The following SLC5A4 variants were observed in gnomAD, a reference collection of about 807,000 sequenced individuals.
SLC5A4 encodes the protein solute carrier family 5 member 4.
SLC5A4 carries 55 observed loss-of-function variants against 70.3 expected under a neutral mutation model. The observed-to-expected ratio is 0.78, with a 90% CI of 0.63 to 0.98. SLC5A4 has a LOEUF of 0.98. Among genes scored for constraint, SLC5A4 ranks in the 50% least tolerant of loss-of-function variants. The pLI is 0.00. For missense variants in SLC5A4, 735 were observed against 839.2 expected (o/e 0.88, Z 1.53); for synonymous variants, 268 against 305.7 (o/e 0.88, Z 1.29).
the SLC5A4 span, among the ~76,000 whole-genome samples, chr22:32,297,058 G>A: frequency 6.6e-6 from 1 of 150,958 alleles, no homozygotes; most frequent in African/African-American, 2.4e-5. Flanking sequence ...CGTTTTGCCA[G>A]TATTTTATCG....
the SLC5A4 span, among the ~76,000 whole-genome samples, chr22:32,321,886 G>T: frequency 6.6e-6 from 1 of 152,334 alleles, no homozygotes; most frequent in South Asian, 2.1e-4. Flanking sequence ...GAGCGCCTAT[G>T]GCAGAATGCA....
chr22:32,275,269 A>C, the SLC5A4 span, among the ~76,000 whole-genome samples: 1 of 152,210 alleles, frequency 6.6e-6, no homozygotes. Context: ...ACATGTGCAC[A>C]ACGTGCAGGT....
At chr22:32,306,930 G>T in the SLC5A4 span, among the ~76,000 whole-genome samples, 1 of 151,996 alleles carries the variant, frequency 6.6e-6, no homozygotes, top group Admixed American at 6.5e-5. Flanking sequence ...TGGGCCACCA[G>T]CTTGGTTCCA....
chr22:32,261,673 A>C, the SLC5A4 span, among the ~76,000 whole-genome samples: 1 of 152,244 alleles, frequency 6.6e-6, no homozygotes, highest in Non-Finnish European at 1.5e-5. Context: ...CCCCCAAAGC[A>C]GCAAAGCCAA....
At position 32,254,229 on chromosome 22, in the gene SLC5A4, G is replaced by A; in HGVS notation, c.136-16C>T. Reference sequence around the variant, plus strand: ...TCAGCATCGCCTGAGCAGAAGGGAAGACAGGTGAGGGTCAAGCCCCAGCAA... The same window carrying A: ...TCAGCATCGCCTGAGCAGAAGGGAAAACAGGTGAGGGTCAAGCCCCAGCAA... On this transcript the variant is annotated splice_polypyrimidine_tract_variant and intron_variant, in intron 1 of 14. Transcript: ENST00000266086. 1 of 1,606,428 alleles carries A rather than the reference G, an allele frequency of 6.2e-7. No homozygotes were observed. Among genetic ancestry groups the A allele is most frequent in the South Asian group, 1.1e-5 (1 of 90,950 alleles).
chr22:32,270,929 AC>A, the SLC5A4 span: 1 of 566,902 alleles, frequency 1.8e-6, no homozygotes, highest in Non-Finnish European at 3.3e-6. Context: ...TGGCATGTTC[AC>A]CACTGAGAGC....
At chr22:32,290,474 A>C in the SLC5A4 span, among the ~76,000 whole-genome samples, 1 of 151,904 alleles carries the variant, frequency 6.6e-6, no homozygotes, top group Admixed American at 6.6e-5. Context: ...GGACTCTTTA[A>C]ATTTCTATTT....
At chr22:32,224,078 A>G (rs570214637) in intron 13 of SLC5A4, among the ~76,000 whole-genome samples, 189 bp downstream of exon 13, 12 of 152,030 alleles carry the variant, frequency 7.9e-5, no homozygotes, top group South Asian at 2.1e-4. Flanking sequence ...CCACCACCAC[A>G]CCCAGCTAAT....
the SLC5A4 span, among the ~76,000 whole-genome samples, chr22:32,334,483 G>C: frequency 6.6e-6 from 1 of 152,170 alleles, no homozygotes; most frequent in East Asian, 1.9e-4. Context: ...ACTGCCTGGG[G>C]CACAGTGATG....
the SLC5A4 span, among the ~76,000 whole-genome samples, chr22:32,318,821 C>T: frequency 1.3e-5 from 2 of 152,222 alleles, no homozygotes; most frequent in Admixed American, 1.3e-4. Flanking sequence ...CATCACCTCC[C>T]TGTCCTATTC....
At chr22:32,350,075 G>A in the SLC5A4 span, among the ~76,000 whole-genome samples, 1 of 152,050 alleles carries the variant, frequency 6.6e-6, no homozygotes, top group East Asian at 1.9e-4. Flanking sequence ...CACTTCTTGG[G>A]GGTCCATGAG....
At chr22:32,234,184 G>A (rs1925926097) in intron 8 of SLC5A4, among the ~76,000 whole-genome samples, 1 of 152,204 alleles carries the variant, frequency 6.6e-6, no homozygotes, top group South Asian at 2.1e-4. Flanking sequence ...GTCTAGATAG[G>A]GTTATAGGGT....
At chr22:32,324,349 T>TAA in the SLC5A4 span, among the ~76,000 whole-genome samples, 6 of 151,462 alleles carry the variant, frequency 4.0e-5, no homozygotes, top group African/African-American at 1.5e-4. Flanking sequence ...AATGACTTTT[T>TAA]AAAAAAAACA....
the SLC5A4 span, among the ~76,000 whole-genome samples, chr22:32,292,919 A>G: frequency 6.6e-6 from 1 of 152,112 alleles, no homozygotes; most frequent in Non-Finnish European, 1.5e-5. Context: ...TTATAGTTCT[A>G]TCAGTTTTGC....
chr22:32,309,484 A>C, the SLC5A4 span, among the ~76,000 whole-genome samples: 51,095 of 151,762 alleles, frequency 0.34, 8,711 homozygotes, highest in Admixed American at 0.43. Context: ...CGGTAACTCT[A>C]GAAATCTATG....
At chr22:32,272,997 G>A in the SLC5A4 span, 96 of 541,042 alleles carry the variant, frequency 1.8e-4, no homozygotes, top group East Asian at 1.8e-3. Flanking sequence ...CTGCTCAACC[G>A]CTACCTGTAC....
the SLC5A4 span, among the ~76,000 whole-genome samples, chr22:32,306,748 GC>G: frequency 1.1e-4 from 17 of 152,186 alleles, no homozygotes; most frequent in African/African-American, 3.6e-4. Context: ...AGGTGACTGA[GC>G]CTCTCACCCT....
At chr22:32,317,351 AG>A in the SLC5A4 span, among the ~76,000 whole-genome samples, 1 of 152,244 alleles carries the variant, frequency 6.6e-6, no homozygotes, top group Non-Finnish European at 1.5e-5. Context: ...AAGAAAAGAA[AG>A]ACAAACCTAA....
rs1169115054 is a variant in SLC5A4, at chr22:32,251,149, C to CAAAAAAAAAAAAA, written c.312+608_312+620dup. Among the ~76,000 whole-genome samples the CAAAAAAAAAAAAA allele has an allele frequency of 2.2e-3, 49 of 22,766 alleles. 1 individual carries two copies. The highest frequency in any genetic ancestry group is 4.7e-3 in the East Asian group (2 of 426). The allele number at this position is 22,766 out of a possible 152,430, so 14.9% of individuals were successfully genotyped here. A position where few individuals can be genotyped will look rare whatever the true frequency, so the allele number is the denominator to read the frequency against. On this transcript the variant is annotated intron_variant, in intron 3 of 14. Transcript: ENST00000266086. ...AAGAAGACAACAACAAACAAATAAG[C>CAAAAAAAAAAAAA]AAAAAAAAAAAAAAAAAAAAAAAAA...
Sources: allele counts gnomAD v4.1 joint callset (sites outside exome capture counted in the v4.1 genomes callset), GRCh38; gene constraint gnomAD v4.1.1; transcripts MANE v1.5; gene names NCBI Gene and HGNC (gene_info 2026-07-23, HGNC 2026-07-21).